The following CATSPERQ variants were observed in gnomAD, a reference collection of about 807,000 sequenced individuals.
CATSPERQ encodes catsper channel auxiliary subunit theta, also known as cation channel sperm-associated auxiliary subunit theta.
At chr8:144,354,218 C>G in the CATSPERQ span, 41 of 1,546,638 alleles carry the variant, frequency 2.7e-5, no homozygotes, top group Non-Finnish European at 3.5e-5. The surrounding 1 kb of genome is among the most constrained non-coding windows in gnomAD (Gnocchi z 4.6). Context: ...CGGTGGGGGT[C>G]GGGCCCAGGG....
At chr8:144,353,861 G>A in the CATSPERQ span, 2,258 of 1,534,464 alleles carry the variant, frequency 1.5e-3, 28 homozygotes, top group African/African-American at 0.028. Context: ...CACCTTCCGT[G>A]GGCTGCGGGG....
chr8:144,354,286 A>T, the CATSPERQ span: 6 of 1,534,696 alleles, frequency 3.9e-6, no homozygotes, highest in Non-Finnish European at 5.2e-6. The surrounding 1 kb of genome is among the most constrained non-coding windows in gnomAD (Gnocchi z 4.6). Flanking sequence ...GATGAAGAGC[A>T]GCATCCCCTT....
chr8:144,353,797 T>A, the CATSPERQ span: 2 of 1,535,566 alleles, frequency 1.3e-6, no homozygotes, highest in Non-Finnish European at 1.7e-6. Flanking sequence ...CTCCGACAGC[T>A]GCACCAGCAC....
At chr8:144,353,529 T>C in the CATSPERQ span, 2 of 1,532,318 alleles carry the variant, frequency 1.3e-6, no homozygotes, top group Admixed American at 3.9e-5. Context: ...TTCCATTTGC[T>C]GTGGGAGCAG....
At chr8:144,354,551 T>TCCCACCAACCCCCCCCCCCC in the CATSPERQ span, 1 of 1,224,578 alleles carries the variant, frequency 8.2e-7, no homozygotes. This position sits in a 1 kb window ranked among gnomAD's most constrained non-coding sequence, Gnocchi z 4.6. Flanking sequence ...CGGGCCCGTC[T>TCCCACCAACCCCCCCCCCCC]CCCTCCTCCC....
At chr8:144,353,610 C>T in the CATSPERQ span, 1 of 1,463,556 alleles carries the variant, frequency 6.8e-7, no homozygotes, top group Admixed American at 2.2e-5. Flanking sequence ...CCCTACCAGG[C>T]TGCATCCCCC....
the CATSPERQ span, chr8:144,353,436 T>A: frequency 4.2e-5 from 65 of 1,535,826 alleles, 3 homozygotes; most frequent in South Asian, 7.3e-4. Context: ...GGGTGGCCAG[T>A]GGCGAACCAC....
the CATSPERQ span, chr8:144,354,837 C>T: frequency 1.3e-6 from 2 of 1,495,416 alleles, no homozygotes; most frequent in East Asian, 2.5e-5. The surrounding 1 kb of genome is among the most constrained non-coding windows in gnomAD (Gnocchi z 4.6). Flanking sequence ...CAGCGGCACT[C>T]CTACCTCGGT....
At chr8:144,354,279 G>T in the CATSPERQ span, 2 of 1,535,086 alleles carry the variant, frequency 1.3e-6, no homozygotes, top group Admixed American at 3.9e-5. This position sits in a 1 kb window ranked among gnomAD's most constrained non-coding sequence, Gnocchi z 4.6. Context: ...CGCTGATGAT[G>T]AAGAGCAGCA....
the CATSPERQ span, chr8:144,354,185 G>A: frequency 3.3e-4 from 504 of 1,542,224 alleles, no homozygotes; most frequent in Admixed American, 1.4e-3. This position sits in a 1 kb window ranked among gnomAD's most constrained non-coding sequence, Gnocchi z 4.6. Context: ...AGCGGCGCGG[G>A]GCCGGCCCTC....
chr8:144,353,520 T>G, the CATSPERQ span: 1 of 1,533,830 alleles, frequency 6.5e-7, no homozygotes, highest in Admixed American at 2.0e-5. Context: ...GCCCAAGTAT[T>G]CCATTTGCTG....
At chr8:144,354,670 G>T in the CATSPERQ span, 1 of 1,535,340 alleles carries the variant, frequency 6.5e-7, no homozygotes, top group Non-Finnish European at 8.7e-7. The surrounding 1 kb of genome is among the most constrained non-coding windows in gnomAD (Gnocchi z 4.6). Context: ...GAGGCGTCTG[G>T]CCAGGTGGCG....
chr8:144,354,159 C>G, the CATSPERQ span: 2 of 1,535,834 alleles, frequency 1.3e-6, no homozygotes, highest in East Asian at 2.4e-5. The surrounding 1 kb of genome is among the most constrained non-coding windows in gnomAD (Gnocchi z 4.6). Context: ...CCTGCGGGCG[C>G]CACGCGGAGA....
the CATSPERQ span, chr8:144,354,563 C>CCCCCCCCCCCCT: frequency 5.6e-6 from 4 of 710,140 alleles, no homozygotes; most frequent in Admixed American, 3.0e-5. The surrounding 1 kb of genome is among the most constrained non-coding windows in gnomAD (Gnocchi z 4.6). Context: ...CCTCCTCCCC[C>CCCCCCCCCCCCT]GCCCCGCCCT....
At chr8:144,354,189 G>A in the CATSPERQ span, 8 of 1,542,298 alleles carry the variant, frequency 5.2e-6, no homozygotes, top group South Asian at 2.4e-5. This position sits in a 1 kb window ranked among gnomAD's most constrained non-coding sequence, Gnocchi z 4.6. Context: ...GCGCGGGGCC[G>A]GCCCTCAGGG....
the CATSPERQ span, chr8:144,353,717 C>T: frequency 1.3e-6 from 2 of 1,528,826 alleles, no homozygotes; most frequent in Non-Finnish European, 8.8e-7. Context: ...CACCCAAAGA[C>T]CTTAAACAGT....
chr8:144,353,301 G>A, the CATSPERQ span: 35 of 1,485,228 alleles, frequency 2.4e-5, no homozygotes, highest in Non-Finnish European at 3.1e-5. Flanking sequence ...GAGTGGGGCT[G>A]GGAGGTTACC....
the CATSPERQ span, chr8:144,354,470 G>C: frequency 7.6e-7 from 1 of 1,319,268 alleles, no homozygotes; most frequent in Non-Finnish European, 9.9e-7. The surrounding 1 kb of genome is among the most constrained non-coding windows in gnomAD (Gnocchi z 4.6). Flanking sequence ...TCCGTCCCCA[G>C]GAGCACCGGC....
At chr8:144,354,675 G>T in the CATSPERQ span, 1 of 1,535,566 alleles carries the variant, frequency 6.5e-7, no homozygotes, top group Non-Finnish European at 8.7e-7. The surrounding 1 kb of genome is among the most constrained non-coding windows in gnomAD (Gnocchi z 4.6). Context: ...GTCTGGCCAG[G>T]TGGCGCTCCG....
Sources: gnomAD v4.1 joint callset for allele counts on GRCh38, gnomAD v4.1.1 for gene constraint, Gnocchi (gnomAD v3.1) non-coding constraint, MANE v1.5 for transcripts, NCBI Gene and HGNC (gene_info 2026-07-23, HGNC 2026-07-21) for gene names.